DLGAP1: variants seen among roughly 807,000 people sequenced by gnomAD.
The protein encoded by DLGAP1 is DLG associated protein 1.
In DLGAP1, 11 loss-of-function variants were observed where a neutral mutation model predicts 90.8. The observed-to-expected ratio is 0.12, with a 90% CI of 0.08 to 0.20. The LOEUF (loss-of-function observed/expected upper bound fraction) is 0.20. Ranked by LOEUF, DLGAP1 falls within the 10% of genes least tolerant of loss-of-function variation. DLGAP1 has a pLI of 1.00. For missense variants in DLGAP1, 1,050 were observed against 1,333.8 expected (o/e 0.79, Z 3.31); for synonymous variants, 558 against 540.7 (o/e 1.03, Z -0.44).
chr18:3,646,785 C>T (rs957589437), intron 7 of DLGAP1, among the ~76,000 whole-genome samples: 34 of 151,924 alleles, frequency 2.2e-4, no homozygotes, highest in South Asian at 1.0e-3. Context: ...ATTAGCCGGG[C>T]GTGGTGGTGG....
At chr18:3,739,295 T>C (rs1423855382) in intron 6 of DLGAP1, among the ~76,000 whole-genome samples, 1 of 150,820 alleles carries the variant, frequency 6.6e-6, no homozygotes, top group East Asian at 1.9e-4. Context: ...CAAAGGACTA[T>C]AAATCATGCT....
intron 9 of DLGAP1, among the ~76,000 whole-genome samples, chr18:3,551,503 T>C (rs2053419818): frequency 6.6e-6 from 1 of 151,494 alleles, no homozygotes; most frequent in Admixed American, 6.6e-5. Context: ...CCCTCCTGGC[T>C]TCCCAAAGTG....
At chr18:4,274,447 A>C (rs371501426) in intron 1 of DLGAP1, among the ~76,000 whole-genome samples, 13 of 152,180 alleles carry the variant, frequency 8.5e-5, no homozygotes, top group African/African-American at 3.1e-4. Context: ...CCATTCTGGA[A>C]AACAGTCCTC....
intron 3 of DLGAP1, among the ~76,000 whole-genome samples, chr18:3,914,340 T>C (rs960121258): frequency 2.0e-5 from 3 of 152,318 alleles, no homozygotes; most frequent in Middle Eastern, 6.8e-3. Context: ...TTTATTAGCA[T>C]AATGTTTTCC....
At chr18:3,723,713 G>C (rs1457821707) in intron 7 of DLGAP1, among the ~76,000 whole-genome samples, 1 of 152,136 alleles carries the variant, frequency 6.6e-6, no homozygotes, top group Non-Finnish European at 1.5e-5. Flanking sequence ...GACCTCAGAT[G>C]ATCAACAGAT....
At chr18:3,930,200 T>G (rs1264551238) in intron 3 of DLGAP1, among the ~76,000 whole-genome samples, 1 of 152,250 alleles carries the variant, frequency 6.6e-6, no homozygotes, top group Non-Finnish European at 1.5e-5. Context: ...TTTTGTGAAC[T>G]GTCTGCTGTG....
intron 1 of DLGAP1, among the ~76,000 whole-genome samples, chr18:4,285,154 C>G (rs1309431372): frequency 4.6e-5 from 7 of 152,108 alleles, no homozygotes; most frequent in African/African-American, 1.7e-4. Context: ...GGACCCAGGC[C>G]TATAGGTGGA....
chr18:3,765,245 T>C lies in DLGAP1; in HGVS notation c.1173-22733A>G, dbSNP rs370395800. Among the ~76,000 whole-genome samples, 1,255 of 149,484 alleles carry C rather than the reference T, an allele frequency of 8.4e-3. 21 individuals carry two copies. The highest frequency in any genetic ancestry group is 0.03 in the African/African-American group (1,189 of 39,852). Reference sequence around the variant, plus strand: ...TCCCGGGTTCACACCATTCTTCTGCTTCAGCCTCCCGAGTAGCTGGAACTA... The same window carrying C: ...TCCCGGGTTCACACCATTCTTCTGCCTCAGCCTCCCGAGTAGCTGGAACTA... On this transcript the variant is annotated intron_variant, in intron 5 of 12. Coordinates refer to ENST00000315677, the MANE Select transcript of DLGAP1 (RefSeq NM_004746.4).
At chr18:4,371,902 C>T (rs1041779057) in intron 1 of DLGAP1, among the ~76,000 whole-genome samples, 1 of 152,156 alleles carries the variant, frequency 6.6e-6, no homozygotes, top group Non-Finnish European at 1.5e-5. Flanking sequence ...CAAAGAAGGA[C>T]AAAGTAACAG....
chr18:3,640,343 C>A (rs2058893169), intron 7 of DLGAP1, among the ~76,000 whole-genome samples: 2 of 152,162 alleles, frequency 1.3e-5, no homozygotes, highest in Non-Finnish European at 2.9e-5. Context: ...CTCTTAGGAG[C>A]AAAGCCAGAA....
chr18:3,969,095 A>G (rs1388749380), intron 3 of DLGAP1, among the ~76,000 whole-genome samples: 2 of 152,208 alleles, frequency 1.3e-5, no homozygotes, highest in Non-Finnish European at 2.9e-5. Context: ...TTCCTTAACA[A>G]TATTCAAAGA....
chr18:4,053,288 C>T (rs1370309045), intron 2 of DLGAP1, among the ~76,000 whole-genome samples: 2 of 152,128 alleles, frequency 1.3e-5, no homozygotes, highest in Admixed American at 6.6e-5. Context: ...GGGAAGAAAA[C>T]ATGTCCTTCT....
chr18:4,437,860 G>A (rs1446232061), intron 1 of DLGAP1, among the ~76,000 whole-genome samples: 1 of 151,058 alleles, frequency 6.6e-6, no homozygotes, highest in Non-Finnish European at 1.5e-5. Flanking sequence ...AAGACAAATA[G>A]TAATTAACAT....
rs542896944 is a variant in DLGAP1, at chr18:4,301,213, A to G, written c.-266-149926T>C. Among the ~76,000 whole-genome samples, 13 of 152,254 alleles carry G rather than the reference A, an allele frequency of 8.5e-5. No individual in the cohort carries two copies. The South Asian group carries it at 2.7e-3, about 32-fold the overall frequency. On this transcript the variant is annotated intron_variant, in intron 1 of 12. Transcript: ENST00000315677. ...ATTATATTCACGATGCTATGCAATAAATCTCAAAAGAAAAACAACAACTCA... is the reference window on the plus strand; with the variant it reads ...ATTATATTCACGATGCTATGCAATAGATCTCAAAAGAAAAACAACAACTCA...
In DLGAP1 at chr18:4,330,441, C is replaced by T. The variant is rs1270852753; in HGVS notation, c.-267+124565G>A. Among the ~76,000 whole-genome samples the T allele has an allele frequency of 2.6e-5, 4 of 151,708 alleles. 1 individual carries two copies. Among genetic ancestry groups the T allele is most frequent in the African/African-American group, 9.7e-5 (4 of 41,156 alleles). The stretch of plus-strand genomic sequence containing the variant: ...ATTTTCTTTTCTTGCCATATAGTCT[C>T]TTTAGACAGAAACTTAGACCATTGA... On this transcript the variant is annotated intron_variant, in intron 1 of 12. Transcript: ENST00000315677.
intron 9 of DLGAP1, among the ~76,000 whole-genome samples, chr18:3,543,754 C>T (rs1206115668): frequency 6.6e-6 from 1 of 152,116 alleles, no homozygotes; most frequent in East Asian, 1.9e-4. Flanking sequence ...CTGACTGGAG[C>T]GAGTTTCCAG....
At chr18:3,713,144 G>C (rs1424726872) in intron 7 of DLGAP1, among the ~76,000 whole-genome samples, 1 of 152,196 alleles carries the variant, frequency 6.6e-6, no homozygotes, top group African/African-American at 2.4e-5. Context: ...GCCTGGGTTC[G>C]TGTGGACTCA....
chr18:3,681,316 C>T (rs1353768325), intron 7 of DLGAP1, among the ~76,000 whole-genome samples: 1 of 152,174 alleles, frequency 6.6e-6, no homozygotes, highest in African/African-American at 2.4e-5. Context: ...AAAAGGATTT[C>T]CCTTGCCAGG....
chr18:4,135,502 T>C (rs1316963697), intron 2 of DLGAP1, among the ~76,000 whole-genome samples: 1 of 152,174 alleles, frequency 6.6e-6, no homozygotes, highest in African/African-American at 2.4e-5. Flanking sequence ...TCTTCTAACT[T>C]TTGGCTTGAA....
Sources: allele counts gnomAD v4.1 joint callset (sites outside exome capture counted in the v4.1 genomes callset), GRCh38; gene constraint gnomAD v4.1.1; transcripts MANE v1.5; gene names NCBI Gene and HGNC (gene_info 2026-07-23, HGNC 2026-07-21).